Variants in ITGB8 observed in about 807,000 individuals in gnomAD.
ITGB8 encodes the protein integrin beta-8.
ITGB8 carries 30 observed loss-of-function variants against 89.5 expected under a neutral mutation model. The ratio of observed to expected loss-of-function variants is 0.34; its 90% CI spans 0.25 to 0.45. The LOEUF (loss-of-function observed/expected upper bound fraction) is 0.45, where lower values mean the gene tolerates loss of function less well. Ranked by LOEUF, ITGB8 falls within the 20% of genes least tolerant of loss-of-function variation. The pLI is 1.00. For missense variants in ITGB8, 836 were observed against 933.3 expected (o/e 0.90, Z 1.36); for synonymous variants, 335 against 320.4 (o/e 1.05, Z -0.49).
At chr7:20,353,971 G>A (rs1196123069) in intron 1 of ITGB8, among the ~76,000 whole-genome samples, 4 of 142,970 alleles carry the variant, frequency 2.8e-5, no homozygotes, top group Non-Finnish European at 6.1e-5. Flanking sequence ...ACGGTAATCT[G>A]TGTTTGTGGA....
chr7:20,390,518 C>T (rs1786812080), intron 6 of ITGB8, among the ~76,000 whole-genome samples: 1 of 152,056 alleles, frequency 6.6e-6, no homozygotes, highest in South Asian at 2.1e-4. Context: ...CTAACTTTCT[C>T]ATTACCACAA....
rs180933007 is a variant in ITGB8 at position 20,371,871 on chromosome 7, A to G, written c.388+4685A>G. ...GATTGTTACATTATTCACACAAAAA[A>G]TTCGATGTTCAGTTTAGCCTTTCAT... On this transcript the variant is annotated intron_variant, in intron 3 of 13. Coordinates refer to ENST00000222573, the MANE Select transcript of ITGB8 (RefSeq NM_002214.3). 1.4e-4 allele frequency among the ~76,000 whole-genome samples: 21 copies of G among 152,332 alleles called. No individual in the cohort carries two copies. The East Asian group carries it at 4.0e-3, about 29-fold the overall frequency.
At chr7:20,409,136 C>G (rs1787665497) in intron 12 of ITGB8, among the ~76,000 whole-genome samples, 1 of 151,982 alleles carries the variant, frequency 6.6e-6, no homozygotes, top group South Asian at 2.1e-4. Flanking sequence ...ACTTTATTTT[C>G]CATTACTGGC....
chr7:20,381,820 A>C lies in ITGB8; in HGVS notation c.895A>C (p.Ile299Leu), dbSNP rs1253318347. Residue 299 changes from isoleucine to leucine, a missense_variant, in exon 6 of 14, where the codon ATA becomes CTA. Physicochemically the swap from Ile to Leu is conservative, Grantham distance 5. Around this residue, in one of 5 missense-constraint regions of ITGB8, gnomAD observed 192 missense variants for 267.1 expected, o/e 0.72. Coordinates refer to ENST00000222573, the MANE Select transcript of ITGB8 (RefSeq NM_002214.3). Reference sequence around the variant, plus strand: ...CGCTCTTGATAGCAAATTGGCAGGCATAGTGGTGCCCAATGACGGAAACTG... The same window carrying C: ...CGCTCTTGATAGCAAATTGGCAGGCCTAGTGGTGCCCAATGACGGAAACTG... ...HLALDSKLAG[I>L]VVPNDGNCHL... The C allele has an allele frequency of 6.2e-7, 1 of 1,614,114 alleles. No homozygotes were observed.
At chr7:20,356,346 G>C (rs1785294044) in intron 1 of ITGB8, among the ~76,000 whole-genome samples, 1 of 152,088 alleles carries the variant, frequency 6.6e-6, no homozygotes, top group African/African-American at 2.4e-5. Context: ...CTGCAAAAGA[G>C]AGATTCAGTA....
rs1221355611 is a variant in ITGB8 at position 20,367,178 on chromosome 7, T to C, written c.380T>C (p.Leu127Pro). Residue 127 changes from leucine (L) to proline (P), a missense_variant, in exon 3 of 14, where the codon CTG becomes CCG. Leu to Pro is a moderately conservative substitution (Grantham distance 98, BLOSUM62 -3). This residue lies in a region of ITGB8 where 182 missense variants were observed against 177.0 expected (regional missense o/e 1.03). Transcript: ENST00000222573. ...ACACCAGGAGAAGTGTCTATCCAGCTGCGTCCAGGTTTGGTCATTTTCAAA... is the reference window on the plus strand; with the variant it reads ...ACACCAGGAGAAGTGTCTATCCAGCCGCGTCCAGGTTTGGTCATTTTCAAA... The part of the protein sequence containing the change: ...QVTPGEVSIQ[L>P]RPGAEANFML... The C allele has an allele frequency of 3.7e-6, 6 of 1,607,866 alleles. No individual in the cohort carries two copies. Among genetic ancestry groups the C allele is most frequent in the Non-Finnish European group, 5.1e-6 (6 of 1,176,334 alleles).
At chr7:20,330,600 G>A (rs62456081), upstream of ITGB8, 8,889 of 152,404 alleles carry the variant, frequency 0.058, 332 homozygotes, top group Non-Finnish European at 0.085. Flanking sequence ...AGGGGGAAAA[G>A]AAAGAGCTGG....
intron 1 of ITGB8, among the ~76,000 whole-genome samples, chr7:20,349,543 TTTA>T (rs914558711): frequency 2.6e-5 from 4 of 152,092 alleles, no homozygotes; most frequent in African/African-American, 9.7e-5. Context: ...GAAAAGATTT[TTTA>T]TTATCTCACA....
chr7:20,396,641 G>A (rs1018842180), intron 8 of ITGB8, among the ~76,000 whole-genome samples: 16 of 152,116 alleles, frequency 1.1e-4, no homozygotes, highest in African/African-American at 3.9e-4. Flanking sequence ...AAAATCAAAT[G>A]TGTCTACAAT....
Position 20,398,091 on chromosome 7 carries a change from A to G in ITGB8, c.1147-769A>G, listed in dbSNP as rs962982263. Among the ~76,000 whole-genome samples, 2 of 152,146 alleles carry G rather than the reference A, an allele frequency of 1.3e-5. 1 individual carries two copies. Among genetic ancestry groups the G allele is most frequent in the South Asian group, 4.1e-4 (2 of 4,828 alleles). ...CCTTTGGAATTTGAAGATTGTAATG[A>G]AAGAAATTAGTGTGTGCCTGCCACA... On this transcript the variant is annotated intron_variant, in intron 8 of 13. Coordinates refer to ENST00000222573, the MANE Select transcript of ITGB8 (RefSeq NM_002214.3).
chr7:20,372,422 G>A (rs1583502899), intron 3 of ITGB8, among the ~76,000 whole-genome samples: 1 of 152,316 alleles, frequency 6.6e-6, no homozygotes, highest in East Asian at 1.9e-4. Context: ...ACAGGAGTTG[G>A]TGATTGATAG....
chr7:20,334,254 A>G (rs1266103744), intron 1 of ITGB8, among the ~76,000 whole-genome samples: 3 of 152,190 alleles, frequency 2.0e-5, no homozygotes, highest in Non-Finnish European at 4.4e-5. Flanking sequence ...TAGAGAAATA[A>G]TAGCACTGTA....
chr7:20,367,744 T>G (rs953615252), intron 3 of ITGB8, among the ~76,000 whole-genome samples: 3 of 152,196 alleles, frequency 2.0e-5, no homozygotes, highest in African/African-American at 4.8e-5. Context: ...TTGGGCAGTT[T>G]TGTGATGGCC....
chr7:20,382,652 G>A (rs917542167), intron 6 of ITGB8, among the ~76,000 whole-genome samples: 1 of 152,082 alleles, frequency 6.6e-6, no homozygotes. Context: ...CATGACACCC[G>A]TGGGTCAAAA....
At chr7:20,357,761 A>T (rs185266838) in intron 1 of ITGB8, among the ~76,000 whole-genome samples, 227 of 152,330 alleles carry the variant, frequency 1.5e-3, no homozygotes, top group Non-Finnish European at 2.6e-3. Context: ...GTTTCCTCCC[A>T]GTAACTATTT....
chr7:20,382,439 A>C (rs1049426454), intron 6 of ITGB8, among the ~76,000 whole-genome samples: 2 of 152,220 alleles, frequency 1.3e-5, no homozygotes, highest in African/African-American at 4.8e-5. Context: ...GGGTTAGTAT[A>C]AGCTCTGAAT....
chr7:20,377,673 G>A (rs1387195462), intron 3 of ITGB8, among the ~76,000 whole-genome samples: 1 of 152,202 alleles, frequency 6.6e-6, no homozygotes, highest in Non-Finnish European at 1.5e-5. Flanking sequence ...ATGAGAGAAT[G>A]GACTGGGCTG....
At chr7:20,383,803 C>T (rs1321455314) in intron 6 of ITGB8, among the ~76,000 whole-genome samples, 4 of 152,152 alleles carry the variant, frequency 2.6e-5, no homozygotes, top group South Asian at 2.1e-4. Flanking sequence ...TACATCAAGA[C>T]CTTTTACCTT....
chr7:20,406,762 A>T (rs1401494151), intron 12 of ITGB8, among the ~76,000 whole-genome samples: 1 of 152,166 alleles, frequency 6.6e-6, no homozygotes, highest in Non-Finnish European at 1.5e-5. Flanking sequence ...GAAATTTTGT[A>T]TGAGGGCTGC....
Sources: allele counts gnomAD v4.1 joint callset (sites outside exome capture counted in the v4.1 genomes callset), GRCh38; gene constraint gnomAD v4.1.1; regional missense constraint gnomAD v4.1.1; transcripts MANE v1.5; gene names NCBI Gene and HGNC (gene_info 2026-07-23, HGNC 2026-07-21).